PCSK6: variants seen among roughly 807,000 people sequenced by gnomAD.
PCSK6 encodes proprotein convertase subtilisin/kexin type 6.
In PCSK6, 85 loss-of-function variants were observed where a neutral mutation model predicts 123.3. That is an observed-to-expected ratio of 0.69 (90% CI 0.58 to 0.83). The LOEUF is 0.83. Among genes scored for constraint, PCSK6 ranks in the 40% least tolerant of loss-of-function variants. The pLI is 0.00. For synonymous variants in PCSK6, 508 were observed against 516.0 expected (o/e 0.98, Z 0.21); for missense variants, 1,191 against 1,282.3 (o/e 0.93, Z 1.09).
intron 18 of PCSK6, among the ~76,000 whole-genome samples, chr15:101,321,923 G>A (rs1310455967): frequency 6.6e-6 from 1 of 152,268 alleles, no homozygotes; most frequent in Admixed American, 6.5e-5. Flanking sequence ...AACAGGTAAT[G>A]TATATTTGAT....
At chr15:101,331,595 C>T (rs2040371682) in intron 15 of PCSK6, 56 bp downstream of exon 15, 3 of 1,549,520 alleles carry the variant, frequency 1.9e-6, no homozygotes, top group Non-Finnish European at 2.7e-6. Context: ...GCATATAGAC[C>T]CTGCTCTCCC....
chr15:101,455,001 G>T (rs890253123), intron 1 of PCSK6, among the ~76,000 whole-genome samples: 1 of 147,452 alleles, frequency 6.8e-6, no homozygotes, highest in African/African-American at 2.6e-5. Context: ...TAAATAAAAG[G>T]GTACAGAGTT....
intron 14 of PCSK6, 47 bp downstream of exon 14, chr15:101,331,805 C>G (rs776328673): frequency 6.2e-7 from 1 of 1,608,118 alleles, no homozygotes; most frequent in Admixed American, 1.7e-5. Flanking sequence ...TCTGGACAAT[C>G]AAAGCTCGTG....
At chr15:101,451,065 C>T (rs1443572519) in intron 1 of PCSK6, among the ~76,000 whole-genome samples, 1 of 151,720 alleles carries the variant, frequency 6.6e-6, no homozygotes. Flanking sequence ...TTGGGGTTTA[C>T]AGAAAGGGCC....
intron 1 of PCSK6, among the ~76,000 whole-genome samples, chr15:101,484,231 TAA>T (rs936959750): frequency 2.0e-4 from 31 of 152,332 alleles, no homozygotes; most frequent in African/African-American, 7.5e-4. Context: ...ACACTGCAGA[TAA>T]AGTTTGAAGT....
At chr15:101,395,307 C>T (rs748493641) in intron 7 of PCSK6, among the ~76,000 whole-genome samples, 23 of 152,224 alleles carry the variant, frequency 1.5e-4, no homozygotes, top group Non-Finnish European at 3.1e-4. Context: ...ACTTGTGCCC[C>T]AAAGTCCAGG....
At chr15:101,332,104 G>A in intron 13 of PCSK6, 73 bp from the exon 14 acceptor site, 4 of 1,340,654 alleles carry the variant, frequency 3.0e-6, no homozygotes, top group Non-Finnish European at 3.0e-6. Flanking sequence ...TAAGCCAGAT[G>A]CTGCCTGGCT....
At chr15:101,469,142 G>A (rs190327154) in intron 1 of PCSK6, among the ~76,000 whole-genome samples, 20 of 151,932 alleles carry the variant, frequency 1.3e-4, no homozygotes, top group Admixed American at 1.3e-3. Flanking sequence ...ACTATTACAG[G>A]GAGAAAAAAC....
chr15:101,411,998 C>T (rs2055704801), intron 6 of PCSK6, among the ~76,000 whole-genome samples: 1 of 152,174 alleles, frequency 6.6e-6, no homozygotes, highest in Non-Finnish European at 1.5e-5. Flanking sequence ...CACTGCTGCT[C>T]ACAGTAATGA....
At position 101,305,987 on chromosome 15, in the gene PCSK6, C is replaced by T. The variant is rs1452311057; in HGVS notation, c.2813-632G>A. Among the ~76,000 whole-genome samples the T allele has an allele frequency of 6.6e-6, 1 of 152,164 alleles. No homozygotes were observed. Among genetic ancestry groups the T allele is most frequent in the Admixed American group, 6.5e-5 (1 of 15,278 alleles). On this transcript the variant is annotated intron_variant, in intron 21 of 21. Coordinates refer to ENST00000611716, the MANE Select transcript of PCSK6 (RefSeq NM_002570.5). This position sits in a 1 kb window ranked among gnomAD's most constrained non-coding sequence, Gnocchi z 4.8. ...TCTCAGGAGAACACCCAGCCTGGGC[C>T]TGTGGGGCACATGTGCACCTGTCTT...
In PCSK6 at chr15:101,414,236, G is replaced by T. The variant is rs1199745443; in HGVS notation, c.823+13656C>A. 4.6e-5 allele frequency among the ~76,000 whole-genome samples: 7 copies of T among 152,150 alleles called. No individual in the cohort carries two copies. The East Asian group carries it at 1.3e-3, about 29-fold the overall frequency. On this transcript the variant is annotated intron_variant, in intron 6 of 21. Coordinates refer to ENST00000611716, the MANE Select transcript of PCSK6 (RefSeq NM_002570.5). ...AATAATGACATTTTTAGACTTCAAG[G>T]ACTCAGAAAATTTACTATCTATATA... is the stretch of plus-strand genomic sequence containing the variant.
intron 12 of PCSK6, among the ~76,000 whole-genome samples, chr15:101,366,993 A>G (rs2041416313): frequency 6.6e-6 from 1 of 152,190 alleles, no homozygotes; most frequent in South Asian, 2.1e-4. Context: ...GAGGGAGATG[A>G]CAATGGCAGG....
chr15:101,358,663 C>A (rs753469124), intron 13 of PCSK6, among the ~76,000 whole-genome samples: 3 of 152,196 alleles, frequency 2.0e-5, no homozygotes, highest in Non-Finnish European at 4.4e-5. Flanking sequence ...CAGGAACAGC[C>A]GGAAGAGGTA....
At chr15:101,413,878 A>G (rs983540029) in intron 6 of PCSK6, among the ~76,000 whole-genome samples, 3 of 152,216 alleles carry the variant, frequency 2.0e-5, no homozygotes, top group African/African-American at 7.2e-5. Flanking sequence ...CTTCAAATTA[A>G]TAAAAATTTT....
chr15:101,325,118 CCT>C, intron 16 of PCSK6, 72 bp from the exon 17 acceptor site: 4 of 1,151,660 alleles, frequency 3.5e-6, no homozygotes, highest in Non-Finnish European at 4.9e-6. Flanking sequence ...CCCTTTGTTT[CCT>C]CTGAGGAAAC....
chr15:101,408,291 G>C (rs1041150151), intron 6 of PCSK6, among the ~76,000 whole-genome samples: 4 of 152,254 alleles, frequency 2.6e-5, no homozygotes, highest in Non-Finnish European at 5.9e-5. Context: ...CCAGGAGCTT[G>C]TTTCTAAGAC....
rs2141553323 is a variant in PCSK6 at position 101,393,385 on chromosome 15, C to T, written c.1036G>A (p.Gly346Arg). Reference protein sequence around the residue: ...GLGSIFVWASGNGGREGDYCS... With the variant: ...GLGSIFVWASRNGGREGDYCS... Reference sequence around the variant, plus strand: ...TAGTCCCCCTCTCTCCCGCCATTCCCAGATGCCCAGACGAAAATGGAGCCC... The same window carrying T: ...TAGTCCCCCTCTCTCCCGCCATTCCTAGATGCCCAGACGAAAATGGAGCCC... The change falls in exon 8 of 22, where the codon GGG becomes AGG. Residue 346 changes from glycine to arginine, a missense_variant. Gly to Arg is a moderately radical substitution (Grantham distance 125, BLOSUM62 -2). Coordinates refer to ENST00000611716, the MANE Select transcript of PCSK6 (RefSeq NM_002570.5). 6.2e-7 allele frequency: 1 copy of T among 1,603,768 alleles called. No homozygotes were observed. Among genetic ancestry groups the T allele is most frequent in the Middle Eastern group, 1.7e-4 (1 of 5,972 alleles).
chr15:101,394,930 C>A (rs1396720132), intron 7 of PCSK6, among the ~76,000 whole-genome samples: 2 of 152,222 alleles, frequency 1.3e-5, no homozygotes, highest in Admixed American at 1.3e-4. Flanking sequence ...AAGAGCTCAA[C>A]AGAAAGGTCC....
chr15:101,343,859 G>C (rs1022890947), intron 13 of PCSK6, among the ~76,000 whole-genome samples: 1 of 152,214 alleles, frequency 6.6e-6, no homozygotes, highest in African/African-American at 2.4e-5. Flanking sequence ...GGGAGGCCAA[G>C]GCGGGCAGAT....
Sources: allele counts gnomAD v4.1 joint callset (sites outside exome capture counted in the v4.1 genomes callset), GRCh38; gene constraint gnomAD v4.1.1; non-coding constraint Gnocchi (gnomAD v3.1); transcripts MANE v1.5; gene names NCBI Gene and HGNC (gene_info 2026-07-23, HGNC 2026-07-21).